The following SH3GL3 variants were observed in gnomAD, a reference collection of about 807,000 sequenced individuals.
The protein encoded by SH3GL3 is SH3 domain containing GRB2 like 3, endophilin A3.
Under a neutral mutation model 47.7 loss-of-function variants are expected in SH3GL3, and 33 were observed. The ratio of observed to expected loss-of-function variants is 0.69; its 90% CI spans 0.52 to 0.92. The LOEUF (loss-of-function observed/expected upper bound fraction) is 0.92. Ranked by LOEUF, SH3GL3 falls within the 40% of genes least tolerant of loss-of-function variation. The pLI, the probability that SH3GL3 is intolerant of heterozygous loss-of-function variation, is 0.00. For missense variants in SH3GL3, 363 were observed against 417.8 expected (o/e 0.87, Z 1.14); for synonymous variants, 155 against 148.8 (o/e 1.04, Z -0.30).
intron 8 of SH3GL3, among the ~76,000 whole-genome samples, chr15:83,612,595 T>A (rs2060698272): frequency 6.6e-6 from 1 of 152,240 alleles, no homozygotes; most frequent in East Asian, 1.9e-4. Context: ...CCAGAGAACT[T>A]TGACAGCTGC....
chr15:83,613,900 A>T (rs2151849125), intron 8 of SH3GL3, among the ~76,000 whole-genome samples: 1 of 152,294 alleles, frequency 6.6e-6, no homozygotes, highest in East Asian at 1.9e-4. Flanking sequence ...GGACTGCCAA[A>T]TTCCATTCTA....
At chr15:83,598,417 C>T (rs1166294290) in intron 8 of SH3GL3, among the ~76,000 whole-genome samples, 1 of 152,180 alleles carries the variant, frequency 6.6e-6, no homozygotes, top group Non-Finnish European at 1.5e-5. Context: ...TCTTGTATTC[C>T]TCATAATTTC....
At chr15:83,465,329 A>ATAAT (rs959888380) in intron 1 of SH3GL3, among the ~76,000 whole-genome samples, 10 of 151,838 alleles carry the variant, frequency 6.6e-5, no homozygotes, top group Non-Finnish European at 5.9e-5. Context: ...AAATAAATAA[A>ATAAT]AAAGTAAAAA....
chr15:83,546,286 A>G (rs1452420067), intron 1 of SH3GL3, among the ~76,000 whole-genome samples: 1 of 151,806 alleles, frequency 6.6e-6, no homozygotes, highest in Non-Finnish European at 1.5e-5. Flanking sequence ...CTCAAGCAGA[A>G]GGAGTCTCTG....
intron 1 of SH3GL3, among the ~76,000 whole-genome samples, chr15:83,528,373 T>A (rs2151670025): frequency 6.6e-6 from 1 of 152,298 alleles, no homozygotes; most frequent in Non-Finnish European, 1.5e-5. Context: ...CAGCTGTTAT[T>A]TTGTTGAATA....
chr15:83,500,600 G>T (rs891535198), intron 1 of SH3GL3, among the ~76,000 whole-genome samples: 1 of 152,268 alleles, frequency 6.6e-6, no homozygotes, highest in Non-Finnish European at 1.5e-5. Flanking sequence ...GTGAAACCCG[G>T]AAGTGTTGGG....
chr15:83,590,221 T>A (rs1383363842), intron 8 of SH3GL3, among the ~76,000 whole-genome samples: 1 of 152,208 alleles, frequency 6.6e-6, no homozygotes, highest in African/African-American at 2.4e-5. Flanking sequence ...TTGGAGTGCC[T>A]TGTCCCTTTG....
At chr15:83,602,824 G>T (rs969085212) in intron 8 of SH3GL3, among the ~76,000 whole-genome samples, 1 of 152,112 alleles carries the variant, frequency 6.6e-6, no homozygotes. Flanking sequence ...CTTTTATTCT[G>T]TGGGCTCCTA....
intron 1 of SH3GL3, among the ~76,000 whole-genome samples, chr15:83,519,916 T>C (rs1046147056): frequency 5.3e-5 from 8 of 152,210 alleles, no homozygotes; most frequent in Admixed American, 4.6e-4. Flanking sequence ...AGTCAAGAAC[T>C]GTGGAGTGTC....
At chr15:83,597,091 A>T (rs2060255190) in intron 8 of SH3GL3, among the ~76,000 whole-genome samples, 1 of 152,206 alleles carries the variant, frequency 6.6e-6, no homozygotes, top group African/African-American at 2.4e-5. Context: ...GATCTATTTT[A>T]TAGTTCTGGA....
intron 3 of SH3GL3, among the ~76,000 whole-genome samples, chr15:83,566,770 A>C (rs2045567188): frequency 6.6e-6 from 1 of 152,178 alleles, no homozygotes; most frequent in Admixed American, 6.5e-5. Flanking sequence ...TTGTTGTTTC[A>C]AAACAACAAC....
chr15:83,575,852 C>T (rs1386449316), intron 5 of SH3GL3, among the ~76,000 whole-genome samples: 1 of 152,104 alleles, frequency 6.6e-6, no homozygotes, highest in Non-Finnish European at 1.5e-5. Flanking sequence ...GGGACCCCTC[C>T]CTTGTCCTGT....
chr15:83,496,081 A>G (rs911166787), intron 1 of SH3GL3, among the ~76,000 whole-genome samples: 1 of 152,158 alleles, frequency 6.6e-6, no homozygotes, highest in African/African-American at 2.4e-5. Flanking sequence ...CCCACTGGCC[A>G]GGTGCAGTAG....
chr15:83,498,766 A>G (rs977962442), intron 1 of SH3GL3, among the ~76,000 whole-genome samples: 5 of 152,122 alleles, frequency 3.3e-5, no homozygotes, highest in Non-Finnish European at 7.4e-5. Flanking sequence ...TCTTCCTAAA[A>G]CAGGAATGGT....
At chr15:83,598,488 A>G (rs930188648) in intron 8 of SH3GL3, among the ~76,000 whole-genome samples, 1 of 152,128 alleles carries the variant, frequency 6.6e-6, no homozygotes, top group Non-Finnish European at 1.5e-5. Context: ...AAAAAGTCCT[A>G]TTTTGTAAGT....
chr15:83,633,614 G>A, the SH3GL3 span, among the ~76,000 whole-genome samples: 2 of 152,106 alleles, frequency 1.3e-5, no homozygotes, highest in African/African-American at 2.4e-5. Flanking sequence ...GACTGCAAAG[G>A]CGCCAGTTCA....
At chr15:83,621,662 C>T (rs764681025), downstream of SH3GL3, among the ~76,000 whole-genome samples, 4 of 152,136 alleles carry the variant, frequency 2.6e-5, no homozygotes, top group Non-Finnish European at 4.4e-5. Context: ...AAAATAACGC[C>T]GATAAAAACG....
chr15:83,615,044 TATAAC>T (rs1413495228), intron 8 of SH3GL3, among the ~76,000 whole-genome samples: 3 of 151,612 alleles, frequency 2.0e-5, no homozygotes, highest in African/African-American at 7.3e-5. Context: ...GAAAAAGTCT[TATAAC>T]AGAAAAAGGA....
intron 1 of SH3GL3, among the ~76,000 whole-genome samples, chr15:83,450,935 C>G (rs1278385393): frequency 2.4e-5 from 3 of 126,774 alleles, no homozygotes; most frequent in Non-Finnish European, 1.7e-5. Flanking sequence ...AGGTATATCT[C>G]CCAATGCTAT....
Sources: gnomAD v4.1 joint callset for allele counts (sites outside exome capture counted in the v4.1 genomes callset) on GRCh38, gnomAD v4.1.1 for gene constraint, MANE v1.5 for transcripts, NCBI Gene and HGNC (gene_info 2026-07-23, HGNC 2026-07-21) for gene names.